The following MSRB3 variants were observed in gnomAD, a reference collection of about 807,000 sequenced individuals.
MSRB3 encodes methionine sulfoxide reductase B3.
A neutral mutation model predicts 21.0 loss-of-function variants in MSRB3; 13 were observed. The observed-to-expected ratio is 0.62, with a 90% confidence interval of 0.40 to 0.98. The LOEUF is 0.98. Among genes scored for constraint, MSRB3 ranks in the 50% least tolerant of loss-of-function variants. The pLI, the probability that MSRB3 is intolerant of heterozygous loss-of-function variation, is 0.00. For synonymous variants in MSRB3, 87 were observed against 88.6 expected, an observed-to-expected ratio of 0.98 and a Z score of 0.10; for missense variants, 199 against 230.3, an observed-to-expected ratio of 0.86 and a Z score of 0.88.
At chr12:65,375,893 T>C (rs1175190608) in intron 5 of MSRB3, among the ~76,000 whole-genome samples, 2 of 151,712 alleles carry the variant, frequency 1.3e-5, no homozygotes, top group East Asian at 3.9e-4. Context: ...TTGGCCTTAC[T>C]ACTTTTTAGA....
Position 65,351,658 on chromosome 12 carries a change from A to G in MSRB3, c.264-17340A>G, listed in dbSNP as rs1351257758. Among the ~76,000 whole-genome samples the G allele has an allele frequency of 2.0e-5, 3 of 149,024 alleles. No homozygotes were observed. In the East Asian group the frequency reaches 5.8e-4, roughly 29 times the overall value. On this transcript the variant is annotated intron_variant, in intron 4 of 6. Transcript: ENST00000308259. ...CACCACTGATCCCACAGAAATACAA[A>G]CTACCATCAGAGAATACTACAAACA...
intron 4 of MSRB3, among the ~76,000 whole-genome samples, chr12:65,350,072 G>C (rs1038466053): frequency 1.1e-3 from 161 of 152,002 alleles, no homozygotes; most frequent in Non-Finnish European, 1.8e-3. Context: ...AATCCATCTT[G>C]AATTGATTTT....
chr12:65,452,545 T>A (rs1882902812), intron 5 of MSRB3, among the ~76,000 whole-genome samples: 2 of 152,186 alleles, frequency 1.3e-5, no homozygotes, highest in Admixed American at 1.3e-4. Context: ...TCTGGAAGTT[T>A]AAGGTTTTCC....
At chr12:65,429,268 C>A (rs111998712) in intron 5 of MSRB3, among the ~76,000 whole-genome samples, 2 of 152,048 alleles carry the variant, frequency 1.3e-5, no homozygotes. Flanking sequence ...TGGAGGGAGA[C>A]GCTCATTTAA....
chr12:65,432,410 G>T (rs985408373), intron 5 of MSRB3, among the ~76,000 whole-genome samples: 1 of 151,944 alleles, frequency 6.6e-6, no homozygotes. Flanking sequence ...TAAAAGGGGG[G>T]AAAAGCTTGA....
chr12:65,427,178 C>A (rs1479784202), intron 5 of MSRB3, among the ~76,000 whole-genome samples: 2 of 152,110 alleles, frequency 1.3e-5, no homozygotes, highest in South Asian at 2.1e-4. Flanking sequence ...ATTTTATGGG[C>A]TAGCTTTGCT....
intron 5 of MSRB3, among the ~76,000 whole-genome samples, chr12:65,374,539 C>T (rs1343933171): frequency 6.6e-6 from 1 of 152,170 alleles, no homozygotes; most frequent in Non-Finnish European, 1.5e-5. Flanking sequence ...GATATTTAAA[C>T]ATAAGCCAAT....
intron 4 of MSRB3, among the ~76,000 whole-genome samples, chr12:65,336,469 GA>G (rs1875769949): frequency 6.6e-6 from 1 of 152,204 alleles, no homozygotes; most frequent in African/African-American, 2.4e-5. Flanking sequence ...TTGGGGAAAG[GA>G]AAGTGAGGAA....
intron 5 of MSRB3, among the ~76,000 whole-genome samples, chr12:65,400,589 GT>G (rs1348146839): frequency 6.6e-6 from 1 of 151,966 alleles, no homozygotes; most frequent in Non-Finnish European, 1.5e-5. Flanking sequence ...TTTTTGAAGG[GT>G]TTTTTGTGTC....
At chr12:65,347,141 T>A (rs911616586) in intron 4 of MSRB3, among the ~76,000 whole-genome samples, 1 of 152,200 alleles carries the variant, frequency 6.6e-6, no homozygotes, top group Non-Finnish European at 1.5e-5. Context: ...GGTAGCTTTA[T>A]GGGGCTGGCA....
At chr12:65,399,369 T>C (rs185968482) in intron 5 of MSRB3, among the ~76,000 whole-genome samples, 1 of 152,316 alleles carries the variant, frequency 6.6e-6, no homozygotes, top group Non-Finnish European at 1.5e-5. Context: ...TTTGTACCTA[T>C]TGTGAATGGG....
chr12:65,402,899 T>A (rs1336468030), intron 5 of MSRB3, among the ~76,000 whole-genome samples: 1 of 152,178 alleles, frequency 6.6e-6, no homozygotes, highest in Non-Finnish European at 1.5e-5. Context: ...GGAGGTCCAC[T>A]CCAGACCCTG....
At position 65,422,417 on chromosome 12, in the gene MSRB3, TA is replaced by T. The variant is rs1565885098; in HGVS notation, c.293-31310del. Among the ~76,000 whole-genome samples, 82 of 44,276 alleles carry T rather than the reference TA, an allele frequency of 1.9e-3. 1 individual carries two copies. The highest frequency in any genetic ancestry group is 2.0e-3 in the African/African-American group (30 of 15,312). The allele number at this position is 44,276 out of a possible 152,430, so 29.0% of individuals were successfully genotyped here. ...ATATATATATATATATATATATATA[TA>T]TATATATATATATTTATTTATTTAT... On this transcript the variant is annotated intron_variant, in intron 5 of 6. Transcript: ENST00000308259.
chr12:65,396,169 T>C (rs1879768435), intron 5 of MSRB3, among the ~76,000 whole-genome samples: 1 of 152,228 alleles, frequency 6.6e-6, no homozygotes, highest in Admixed American at 6.5e-5. Context: ...CAGCTTACAC[T>C]GCATCCCACA....
Position 65,328,507 on chromosome 12 carries a change from T to G in MSRB3, c.186-19T>G. 22 of 1,537,448 alleles carry G rather than the reference T, an allele frequency of 1.4e-5. No homozygotes were observed. The highest frequency in any genetic ancestry group is 2.0e-5 in the Non-Finnish European group (22 of 1,110,894). On this transcript the variant is annotated intron_variant, in intron 3 of 6. Coordinates refer to ENST00000308259, the MANE Select transcript of MSRB3 (RefSeq NM_001031679.3). ...ATAATGCTAACTTTAATTTTTTAAA[T>G]GATCTGTTTATTTATCAGTGCCTTT...
At chr12:65,352,675 C>G (rs1469025146) in intron 4 of MSRB3, among the ~76,000 whole-genome samples, 2 of 151,814 alleles carry the variant, frequency 1.3e-5, no homozygotes, top group South Asian at 2.1e-4. Context: ...CAATAACAGA[C>G]AAACAGAGAG....
intron 2 of MSRB3, among the ~76,000 whole-genome samples, chr12:65,313,062 A>T (rs1403953654): frequency 6.6e-6 from 1 of 152,130 alleles, no homozygotes; most frequent in Non-Finnish European, 1.5e-5. Context: ...GATTCAATGC[A>T]TGTTATCCAG....
At chr12:65,369,050 T>C in intron 5 of MSRB3, 24 bp downstream of exon 5, 1 of 1,517,036 alleles carries the variant, frequency 6.6e-7, no homozygotes. Flanking sequence ...AATAATGCTC[T>C]TCTGAATATA....
At chr12:65,347,023 C>A (rs1333423580) in intron 4 of MSRB3, among the ~76,000 whole-genome samples, 4 of 151,818 alleles carry the variant, frequency 2.6e-5, no homozygotes, top group Non-Finnish European at 4.4e-5. Context: ...TAGCATGATG[C>A]CTTCAGCTTT....
Sources: allele counts gnomAD v4.1 joint callset (sites outside exome capture counted in the v4.1 genomes callset), GRCh38; gene constraint gnomAD v4.1.1; transcripts MANE v1.5; gene names NCBI Gene and HGNC (gene_info 2026-07-23, HGNC 2026-07-21).